RAI1: variants seen among roughly 807,000 people sequenced by gnomAD.
RAI1 encodes the protein retinoic acid induced 1.
A neutral mutation model predicts 123.8 loss-of-function variants in RAI1; 9 were observed. The ratio of observed to expected loss-of-function variants is 0.07; its 90% CI spans 0.04 to 0.13. The LOEUF (loss-of-function observed/expected upper bound fraction) is 0.13, where lower values mean the gene tolerates loss of function less well. Among genes scored for constraint, RAI1 ranks in the 10% least tolerant of loss-of-function variants. The probability of loss-of-function intolerance (pLI) is 1.00; values close to 1 mark genes in which losing one functional copy is unlikely to be tolerated. For missense variants in RAI1, 2,256 were observed against 2,545.8 expected, an observed-to-expected ratio of 0.89 and a Z score of 2.45; for synonymous variants, 1,231 against 1,127.3, an observed-to-expected ratio of 1.09 and a Z score of -1.84.
intron 2 of RAI1, among the ~76,000 whole-genome samples, chr17:17,749,544 G>A (rs2030069692): frequency 6.6e-6 from 1 of 152,190 alleles, no homozygotes; most frequent in South Asian, 2.1e-4. Flanking sequence ...TGAGGAAACT[G>A]AAATTCAGAG....
rs192069155 is a variant in RAI1, at chr17:17,725,251, C to T, written c.-17+1092C>T. ...ACTTCAGGCACGTCGAGGGCCCCTC[C>T]AACCTCAGCCTCCTCCCCTCTGGTA... is the stretch of plus-strand genomic sequence containing the variant. On this transcript the variant is annotated intron_variant, in intron 2 of 5. Transcript: ENST00000353383. 3.4e-3 allele frequency among the ~76,000 whole-genome samples: 518 copies of T among 152,262 alleles called. 6 individuals are homozygous for T. Among genetic ancestry groups the T allele is most frequent in the African/African-American group, 0.012 (487 of 41,550 alleles).
chr17:17,747,539 A>G (rs554350025), intron 2 of RAI1, among the ~76,000 whole-genome samples: 7 of 152,224 alleles, frequency 4.6e-5, no homozygotes, highest in African/African-American at 1.7e-4. Flanking sequence ...CTGAGAACGA[A>G]TTCTAGGGTT....
At position 17,798,373 on chromosome 17, in the gene RAI1, A is replaced by G. The variant is rs1209190332; in HGVS notation, c.5425A>G (p.Lys1809Glu). Residue 1809 changes from lysine (K) to glutamate (E), a missense_variant, in exon 3 of 6, where the codon AAG becomes GAG. Lys to Glu is a moderately conservative substitution (Grantham distance 56, BLOSUM62 1). This residue lies in a region of RAI1 where 243 missense variants were observed against 316.6 expected (regional missense o/e 0.77). Transcript: ENST00000353383. ...ADKGRKHECS[K>E]EAPAEPGGEA... Reference sequence around the variant, plus strand: ...CAAGGGTCGCAAACATGAGTGCAGCAAGGAGGCTCCGGCAGAGCCCGGCGG... The same window carrying G: ...CAAGGGTCGCAAACATGAGTGCAGCGAGGAGGCTCCGGCAGAGCCCGGCGG... 1 of 1,609,308 alleles carries G rather than the reference A, an allele frequency of 6.2e-7. No individual in the cohort carries two copies. The highest frequency in any genetic ancestry group is 1.7e-5 in the Admixed American group (1 of 59,554).
At chr17:17,726,850 G>A (rs1425841734) in intron 2 of RAI1, among the ~76,000 whole-genome samples, 1 of 152,076 alleles carries the variant, frequency 6.6e-6, no homozygotes, top group African/African-American at 2.4e-5. Context: ...TAAAGACTTT[G>A]TCGTCATTCT....
intron 1 of RAI1, among the ~76,000 whole-genome samples, chr17:17,697,462 C>T (rs1218284183): frequency 6.6e-6 from 1 of 152,238 alleles, no homozygotes; most frequent in Non-Finnish European, 1.5e-5. Context: ...AGCCAACGGC[C>T]CGCTCTAACA....
At chr17:17,746,465 A>G (rs1479785899) in intron 2 of RAI1, among the ~76,000 whole-genome samples, 1 of 152,082 alleles carries the variant, frequency 6.6e-6, no homozygotes, top group Non-Finnish European at 1.5e-5. Context: ...GGGGTTTAAG[A>G]GGAGCTACCA....
intron 2 of RAI1, among the ~76,000 whole-genome samples, chr17:17,726,003 CA>C (rs1212456606): frequency 6.6e-6 from 1 of 152,156 alleles, no homozygotes; most frequent in East Asian, 1.9e-4. Context: ...AACAGTGTGA[CA>C]CCGGCTGACT....
intron 2 of RAI1, among the ~76,000 whole-genome samples, chr17:17,748,399 C>T (rs2030010450): frequency 6.6e-6 from 1 of 152,172 alleles, no homozygotes; most frequent in South Asian, 2.1e-4. Flanking sequence ...AGGTGCTGCT[C>T]CGAGAAGGTT....
At chr17:17,744,617 C>T (rs908858095) in intron 2 of RAI1, among the ~76,000 whole-genome samples, 1 of 151,862 alleles carries the variant, frequency 6.6e-6, no homozygotes, top group Non-Finnish European at 1.5e-5. Context: ...ATGGTGAAAC[C>T]CTGTCTTACT....
At chr17:17,730,433 G>A (rs184664043) in intron 2 of RAI1, among the ~76,000 whole-genome samples, 293 of 152,374 alleles carry the variant, frequency 1.9e-3, no homozygotes, top group Non-Finnish European at 3.6e-3. Context: ...CATGGGGCGC[G>A]GTAGCTCAGC....
Position 17,795,354 on chromosome 17 carries a change from G to A in RAI1, c.2406G>A (p.Lys802=). The change falls in exon 3 of 6, where the codon AAG becomes AAA. Residue 802 remains lysine (K), a synonymous_variant. Coordinates refer to ENST00000353383, the MANE Select transcript of RAI1 (RefSeq NM_030665.4). This position sits in a 1 kb window ranked among gnomAD's most constrained non-coding sequence, Gnocchi z 5.9. ...AGGAGGAGGACCCCCCTGGGGAGAA[G>A]GTGGCCTCGTTGCCCGGGGACTTCA... ...GFQEEDPPGE[K]VASLPGDFKQ... is the part of the protein sequence containing the mutation. The A allele has an allele frequency of 6.3e-7, 1 of 1,598,962 alleles. No homozygotes were observed.
intron 2 of RAI1, among the ~76,000 whole-genome samples, chr17:17,773,056 G>T (rs2031216102): frequency 7.2e-6 from 1 of 139,638 alleles, no homozygotes; most frequent in Non-Finnish European, 1.5e-5. Context: ...TGGATAGACT[G>T]ATGGGTGGGT....
At chr17:17,720,979 A>G (rs943986794) in intron 1 of RAI1, among the ~76,000 whole-genome samples, 2 of 151,978 alleles carry the variant, frequency 1.3e-5, no homozygotes, top group African/African-American at 4.8e-5. Flanking sequence ...CTTTTTTGAG[A>G]TAAGCCACCC....
chr17:17,797,928 G>A lies in RAI1; in HGVS notation c.4980G>A (p.Pro1660=), dbSNP rs114118087. 50 of 1,613,828 alleles carry A rather than the reference G, an allele frequency of 3.1e-5. No individual in the cohort carries two copies. In the East Asian group the frequency reaches 8.5e-4, roughly 27 times the overall value. The change falls in exon 3 of 6, where the codon CCG becomes CCA. Residue 1660 remains proline (P), a synonymous_variant. Transcript: ENST00000353383. ...ATLPGGSILQ[P]RPSLPLSSTM... is the part of the protein sequence containing the mutation. ...TCCCTGGAGGCTCCATCCTGCAGCC[G>A]CGGCCCTCCTTGCCCCTCTCCTCCA...
chr17:17,793,779 CCAGCAG>C lies in RAI1; in HGVS notation c.867_872del (p.Gln290_Gln291del), dbSNP rs371983878. Reference sequence around the variant, plus strand: ...ACCAGTCGGGCCGCCTCAGCTATGACCAGCAGCAGCAGCAGCAGCAGCAGCAGCAGC... The same window carrying C: ...ACCAGTCGGGCCGCCTCAGCTATGACCAGCAGCAGCAGCAGCAGCAGCAGC... On this transcript the variant is annotated inframe_deletion, in exon 3 of 6. Coordinates refer to ENST00000353383, the MANE Select transcript of RAI1 (RefSeq NM_030665.4). 3.4e-3 allele frequency: 4,639 copies of C among 1,353,310 alleles called. 17 individuals are homozygous for C. In the African/African-American group the frequency reaches 0.051, roughly 15 times the overall value. 83.8% of individuals were successfully genotyped at this position (1,353,310 alleles called of 1,614,324 possible).
chr17:17,789,673 GA>G (rs1229061659), intron 2 of RAI1, among the ~76,000 whole-genome samples: 1 of 152,168 alleles, frequency 6.6e-6, no homozygotes, highest in Non-Finnish European at 1.5e-5. Context: ...TAAGTTCCAG[GA>G]TCTGATTCTA....
Position 17,798,340 on chromosome 17 carries a change from C to T in RAI1, c.5392C>T (p.Pro1798Ser), listed in dbSNP as rs1156350538. The T allele has an allele frequency of 6.2e-7, 1 of 1,602,292 alleles. No homozygotes were observed. The highest frequency in any genetic ancestry group is 1.7e-5 in the Admixed American group (1 of 58,716). Residue 1798 changes from proline (P) to serine (S), a missense_variant, in exon 3 of 6, where the codon CCA (proline) becomes TCA (serine). Around this residue, in one of 7 missense-constraint regions of RAI1, gnomAD observed 243 missense variants for 316.6 expected, o/e 0.77. Coordinates refer to ENST00000353383, the MANE Select transcript of RAI1 (RefSeq NM_030665.4). ...GGAGGATGGGGGCGAGGAGGCAGCC[C>T]CAGCCGACAAGGGTCGCAAACATGA... ...GREDGGEEAA[P>S]ADKGRKHECS...
chr17:17,809,832 G>A lies in RAI1; in HGVS notation c.5710-138G>A, dbSNP rs958080201. The A allele has an allele frequency of 8.4e-7, 1 of 1,196,030 alleles. No individual in the cohort carries two copies. Among genetic ancestry groups the A allele is most frequent in the Non-Finnish European group, 1.2e-6 (1 of 840,688 alleles). The allele number at this position is 1,196,030 out of a possible 1,614,324, so 74.1% of individuals were successfully genotyped here. A position where few individuals can be genotyped will look rare whatever the true frequency, so the allele number is the denominator to read the frequency against. On this transcript the variant is annotated intron_variant, in intron 5 of 5. Coordinates refer to ENST00000353383, the MANE Select transcript of RAI1 (RefSeq NM_030665.4). This position sits in a 1 kb window ranked among gnomAD's most constrained non-coding sequence, Gnocchi z 4.9. ...TGGGGCCAGAAGGGGTGGTGCCGAC[G>A]GCCTCGGGCGGAGACCCCAGCCGCG...
rs890895900 is a variant in RAI1 at position 17,741,065 on chromosome 17, T to C, written c.-17+16906T>C. On this transcript the variant is annotated intron_variant, in intron 2 of 5. Transcript: ENST00000353383. ...CAGAGCATCCGGAGTGTGGTGACCATGTTAGTATTCAGCACAAGCGCGCGC... is the reference window on the plus strand; with the variant it reads ...CAGAGCATCCGGAGTGTGGTGACCACGTTAGTATTCAGCACAAGCGCGCGC... 3.3e-5 allele frequency among the ~76,000 whole-genome samples: 5 copies of C among 151,084 alleles called. No homozygotes were observed. The East Asian group carries it at 7.7e-4, about 23-fold the overall frequency.
Sources: allele counts gnomAD v4.1 joint callset (sites outside exome capture counted in the v4.1 genomes callset), GRCh38; gene constraint gnomAD v4.1.1; regional missense constraint gnomAD v4.1.1; non-coding constraint Gnocchi (gnomAD v3.1); transcripts MANE v1.5; gene names NCBI Gene and HGNC (gene_info 2026-07-23, HGNC 2026-07-21).